The following TRIP12 variants were observed in gnomAD, a reference collection of about 807,000 sequenced individuals.
The protein encoded by TRIP12 is thyroid hormone receptor interactor 12, also known as E3 ubiquitin-protein ligase TRIP12.
TRIP12 carries 25 observed loss-of-function variants against 244.2 expected under a neutral mutation model. The observed-to-expected ratio is 0.10, with a 90% CI of 0.07 to 0.14. The LOEUF is 0.14. Ranked by LOEUF, TRIP12 falls within the 10% of genes least tolerant of loss-of-function variation. The pLI is 1.00. For missense variants in TRIP12, 1,677 were observed against 2,486.4 expected (o/e 0.67, Z 6.92); for synonymous variants, 905 against 873.1 (o/e 1.04, Z -0.64).
intron 2 of TRIP12, among the ~76,000 whole-genome samples, chr2:229,861,988 A>C (rs995914766): frequency 6.7e-6 from 1 of 149,898 alleles, no homozygotes; most frequent in South Asian, 2.1e-4. Flanking sequence ...CATATTTTCT[A>C]AAGTTGTAGC....
At chr2:229,823,684 AAAC>A (rs1339897902) in intron 8 of TRIP12, among the ~76,000 whole-genome samples, 9 of 151,590 alleles carry the variant, frequency 5.9e-5, no homozygotes, top group African/African-American at 2.2e-4. Context: ...CAAAAAAAAA[AAAC>A]AACAACAACA....
At chr2:229,904,119 G>A (rs540650031) in intron 1 of TRIP12, among the ~76,000 whole-genome samples, 4 of 152,056 alleles carry the variant, frequency 2.6e-5, no homozygotes, top group African/African-American at 9.6e-5. Flanking sequence ...TTTTAAAAAG[G>A]ATTATTAACA....
At position 229,807,701 on chromosome 2, in the gene TRIP12, C is replaced by A. The variant is rs1020243070; in HGVS notation, c.2496+7G>T. 1 of 1,614,138 alleles carries A rather than the reference C, an allele frequency of 6.2e-7. No individual in the cohort carries two copies. On this transcript the variant is annotated splice_region_variant and intron_variant, in intron 17 of 41. Coordinates refer to ENST00000675903, the MANE Select transcript of TRIP12 (RefSeq NM_001348323.3). ...GACACATTTAAACGGTACGATGAAA[C>A]TACTACCTCAATGATCCGGCTGTCA...
chr2:229,781,501 A>C (rs2154249203), intron 34 of TRIP12, among the ~76,000 whole-genome samples: 1 of 152,340 alleles, frequency 6.6e-6, no homozygotes, highest in East Asian at 1.9e-4. Flanking sequence ...TAACTTGCCC[A>C]AAATCACATA....
Position 229,769,272 on chromosome 2 carries a change from C to T in TRIP12, c.5862G>A (p.Leu1954=). 2 of 1,614,074 alleles carry T rather than the reference C, an allele frequency of 1.2e-6. No homozygotes were observed. Among genetic ancestry groups the T allele is most frequent in the Non-Finnish European group, 1.7e-6 (2 of 1,179,988 alleles). The part of the protein sequence containing the change: ...SKADTWDAKT[L]MECCRPDHGY... Reference sequence around the variant, plus strand: ...CATGATCAGGCCTACAGCATTCCATCAGTGTCTTTGCATCCCAAGTGTCTG... The same window carrying T: ...CATGATCAGGCCTACAGCATTCCATTAGTGTCTTTGCATCCCAAGTGTCTG... Residue 1954 remains leucine, a synonymous_variant, in exon 40 of 42, where the codon CTG becomes CTA. Transcript: ENST00000675903.
intron 1 of TRIP12, among the ~76,000 whole-genome samples, chr2:229,917,053 C>T (rs1208072484): frequency 1.3e-5 from 2 of 152,082 alleles, no homozygotes; most frequent in Non-Finnish European, 2.9e-5. Flanking sequence ...AGAAAATACA[C>T]AAGTAAAGCT....
chr2:229,842,487 T>C (rs990194730), intron 4 of TRIP12, among the ~76,000 whole-genome samples: 4 of 152,168 alleles, frequency 2.6e-5, no homozygotes, highest in Non-Finnish European at 4.4e-5. Flanking sequence ...TACACTTGCT[T>C]TTCTATTGGA....
At chr2:229,786,396 C>CTTT (rs34138414) in intron 33 of TRIP12, among the ~76,000 whole-genome samples, 23 of 127,736 alleles carry the variant, frequency 1.8e-4, no homozygotes, top group East Asian at 4.5e-4. Flanking sequence ...AATAGGATGA[C>CTTT]TTTTTTTTTT....
At position 229,763,872 on chromosome 2, in the gene TRIP12, AGAAG is replaced by A. The variant is rs769592436; in HGVS notation, c.*3678_*3681del. 2.6e-5 allele frequency: 4 copies of A among 152,238 alleles called. No individual in the cohort carries two copies. The highest frequency in any genetic ancestry group is 7.2e-5 in the African/African-American group (3 of 41,470). 9.4% of individuals were successfully genotyped at this position (152,238 alleles called of 1,614,324 possible). ...CTGTTTATTAAAAATATAGTCAGGG[AGAAG>A]GAAGTCAGTGCATTTATGCAATTTT... On this transcript the variant is annotated 3_prime_UTR_variant, in exon 42 of 42. Transcript: ENST00000675903.
chr2:229,824,796 C>A (rs2051078115), intron 8 of TRIP12, among the ~76,000 whole-genome samples: 1 of 151,978 alleles, frequency 6.6e-6, no homozygotes, highest in Non-Finnish European at 1.5e-5. Flanking sequence ...AAGGACAAGG[C>A]ATAAAATTTA....
rs1183597663 is a variant in TRIP12, at chr2:229,793,056, T to C, written c.4058A>G (p.Asn1353Ser). ...CQLQRHPDCA[N>S]VKQWKGGPVK... ...AGGTCCACCCTTCCACTGCTTCACA[T>C]TTGCACAGTCTGGATGCCTTTGTAA... is the stretch of plus-strand genomic sequence containing the variant. Residue 1353 changes from asparagine (N) to serine (S), a missense_variant, in exon 27 of 42, where the codon AAT becomes AGT. Coordinates refer to ENST00000675903, the MANE Select transcript of TRIP12 (RefSeq NM_001348323.3). 3 of 1,613,910 alleles carry C rather than the reference T, an allele frequency of 1.9e-6. No homozygotes were observed. The highest frequency in any genetic ancestry group is 1.3e-5 in the African/African-American group (1 of 74,908).
chr2:229,918,603 T>C (rs1184100303), intron 1 of TRIP12, among the ~76,000 whole-genome samples: 3 of 152,208 alleles, frequency 2.0e-5, no homozygotes, highest in African/African-American at 7.2e-5. Flanking sequence ...GTTTTTTCAG[T>C]AGAATGTATG....
chr2:229,814,454 A>C, intron 11 of TRIP12, 129 bp from the exon 12 acceptor site: 2 of 814,832 alleles, frequency 2.5e-6, no homozygotes, highest in South Asian at 2.2e-5. Flanking sequence ...CATAGGATGC[A>C]AGTCACTTAG....
Position 229,789,617 on chromosome 2 carries a change from C to A in TRIP12, c.4689G>T (p.Leu1563Phe). ...AATAGGCAACATTACTCACATCATA[C>A]AAGTAATACCAGTATCGACTGATAG... The part of the protein sequence containing the change: ...LHAISRYWYY[L>F]YDNAMCKEII... Residue 1563 changes from leucine to phenylalanine, a missense_variant, in exon 31 of 42, where the codon TTG (leucine) becomes TTT (phenylalanine). By Grantham distance (22) the Leu-to-Phe change is conservative (BLOSUM62 0). Coordinates refer to ENST00000675903, the MANE Select transcript of TRIP12 (RefSeq NM_001348323.3). The A allele has an allele frequency of 1.2e-6, 2 of 1,613,340 alleles. No homozygotes were observed. Among genetic ancestry groups the A allele is most frequent in the Non-Finnish European group, 1.7e-6 (2 of 1,179,622 alleles).
chr2:229,782,647 CTT>C (rs1362316666), intron 34 of TRIP12, among the ~76,000 whole-genome samples: 1 of 152,156 alleles, frequency 6.6e-6, no homozygotes, highest in Non-Finnish European at 1.5e-5. Flanking sequence ...ACTGAATACT[CTT>C]AGCTTTTTAA....
intron 1 of TRIP12, among the ~76,000 whole-genome samples, chr2:229,914,037 G>C (rs1342196958): frequency 6.6e-6 from 1 of 152,050 alleles, no homozygotes; most frequent in Admixed American, 6.6e-5. Flanking sequence ...GGAAGCCGAG[G>C]TGGGTGGATT....
chr2:229,813,123 A>T (rs2047670216), intron 13 of TRIP12, among the ~76,000 whole-genome samples: 1 of 152,138 alleles, frequency 6.6e-6, no homozygotes, highest in Admixed American at 6.5e-5. Flanking sequence ...CCAACCCCAG[A>T]TAGCCACAAA....
intron 2 of TRIP12, among the ~76,000 whole-genome samples, chr2:229,874,520 A>C (rs1227329523): frequency 6.6e-6 from 1 of 152,232 alleles, no homozygotes; most frequent in African/African-American, 2.4e-5. Flanking sequence ...GCCCAAATTT[A>C]AATCATGGGC....
intron 36 of TRIP12, among the ~76,000 whole-genome samples, chr2:229,777,999 T>A (rs2036836794): frequency 6.6e-6 from 1 of 152,192 alleles, no homozygotes; most frequent in African/African-American, 2.4e-5. Flanking sequence ...CATTCCAACC[T>A]CTATGAATAC....
Sources: allele counts gnomAD v4.1 joint callset (sites outside exome capture counted in the v4.1 genomes callset), GRCh38; gene constraint gnomAD v4.1.1; transcripts MANE v1.5; gene names NCBI Gene and HGNC (gene_info 2026-07-23, HGNC 2026-07-21).